The following FAT3 variants were observed in gnomAD, a reference collection of about 807,000 sequenced individuals.
FAT3 encodes FAT atypical cadherin 3.
A neutral mutation model predicts 310.2 loss-of-function variants in FAT3; 95 were observed. That is an observed-to-expected ratio of 0.31 (90% CI 0.26 to 0.36). FAT3 has a LOEUF of 0.36. FAT3 is among the 10% of genes least tolerant of loss of function. FAT3 has a pLI of 1.00. For synonymous variants in FAT3, 2,314 were observed against 2,192.9 expected (o/e 1.06, Z -1.54); for missense variants, 5,408 against 5,715.6 (o/e 0.95, Z 1.74).
intron 4 of FAT3, among the ~76,000 whole-genome samples, chr11:92,734,937 A>G (rs1280136473): frequency 2.0e-5 from 3 of 152,174 alleles, no homozygotes; most frequent in African/African-American, 7.2e-5. Context: ...AGGTCTAGAT[A>G]AGAATGAATG....
intron 3 of FAT3, among the ~76,000 whole-genome samples, chr11:92,545,530 T>G (rs1447855565): frequency 6.6e-6 from 1 of 152,182 alleles, no homozygotes; most frequent in Non-Finnish European, 1.5e-5. Context: ...TGCTAGAATT[T>G]TCTCTCTCAA....
chr11:92,250,407 T>G (rs1225485844), intron 1 of FAT3, among the ~76,000 whole-genome samples: 1 of 152,148 alleles, frequency 6.6e-6, no homozygotes, highest in Middle Eastern at 3.2e-3. Flanking sequence ...AGAGTTTCTA[T>G]TTTTTATGGA....
chr11:92,358,006 A>G (rs896238864), intron 2 of FAT3, among the ~76,000 whole-genome samples: 18 of 151,302 alleles, frequency 1.2e-4, no homozygotes, highest in African/African-American at 3.9e-4. Context: ...CCTAAAAAAA[A>G]AAAAAAAATA....
rs750299128 is a variant in FAT3, at chr11:92,801,016, A to T, written c.8003A>T (p.Gln2668Leu). 10 of 1,613,696 alleles carry T rather than the reference A, an allele frequency of 6.2e-6. No individual in the cohort carries two copies. Among genetic ancestry groups the T allele is most frequent in the Non-Finnish European group, 5.9e-6 (7 of 1,179,780 alleles). ...ATGGTCACAAAGGGTAATTTTAACC[A>T]GCTGAAAAATACAGTGCTTTCGTTC... ...GWMVTKGNFN[Q>L]LKNTVLSFFV... The change falls in exon 10 of 28, where the codon CAG becomes CTG. Residue 2668 changes from glutamine (Q) to leucine (L), a missense_variant. Gln to Leu is a moderately radical substitution (Grantham distance 113). Around this residue, in one of 5 missense-constraint regions of FAT3, gnomAD observed 4,588 missense variants for 4,809.8 expected, o/e 0.95. Transcript: ENST00000525166.
At chr11:92,623,713 G>A (rs1941195903) in intron 3 of FAT3, among the ~76,000 whole-genome samples, 1 of 152,270 alleles carries the variant, frequency 6.6e-6, no homozygotes, top group African/African-American at 2.4e-5. Context: ...GGAGGCCAAG[G>A]CGGGTGGATC....
intron 21 of FAT3, among the ~76,000 whole-genome samples, 158 bp from the exon 22 acceptor site, chr11:92,866,583 G>A (rs1313285633): frequency 2.0e-5 from 3 of 152,170 alleles, no homozygotes; most frequent in African/African-American, 7.2e-5. Flanking sequence ...GAGGCACAGT[G>A]GTTAAAAATC....
At chr11:92,583,003 T>G (rs1030380222) in intron 3 of FAT3, among the ~76,000 whole-genome samples, 1 of 151,914 alleles carries the variant, frequency 6.6e-6, no homozygotes, top group Non-Finnish European at 1.5e-5. Context: ...TTGTTTTGCT[T>G]AATATACTCC....
chr11:92,438,523 C>A (rs888574517), intron 2 of FAT3, among the ~76,000 whole-genome samples: 4 of 152,106 alleles, frequency 2.6e-5, no homozygotes, highest in Non-Finnish European at 4.4e-5. Flanking sequence ...CATTATTGTG[C>A]GACTATCACC....
intron 2 of FAT3, among the ~76,000 whole-genome samples, chr11:92,423,049 C>T (rs1307788727): frequency 6.6e-6 from 1 of 152,160 alleles, no homozygotes; most frequent in Non-Finnish European, 1.5e-5. Context: ...GATGTGTTTA[C>T]ACTAAAAGCA....
chr11:92,384,882 T>G (rs1380494652), intron 2 of FAT3, among the ~76,000 whole-genome samples: 4 of 152,190 alleles, frequency 2.6e-5, no homozygotes, highest in Non-Finnish European at 5.9e-5. Flanking sequence ...TAGTTATTCA[T>G]AAAGCTTGCT....
chr11:92,350,458 A>T (rs1948535094), intron 1 of FAT3, among the ~76,000 whole-genome samples: 1 of 152,076 alleles, frequency 6.6e-6, no homozygotes, highest in African/African-American at 2.4e-5. Context: ...TGTACTTTTT[A>T]AAATCAATGA....
At chr11:92,634,422 G>A (rs1941680903) in intron 3 of FAT3, among the ~76,000 whole-genome samples, 1 of 152,166 alleles carries the variant, frequency 6.6e-6, no homozygotes, top group Non-Finnish European at 1.5e-5. Context: ...CAGCCAGACA[G>A]GATTTTGTTC....
At chr11:92,727,067 C>T (rs1048792000) in intron 4 of FAT3, among the ~76,000 whole-genome samples, 3 of 152,120 alleles carry the variant, frequency 2.0e-5, no homozygotes, top group East Asian at 1.9e-4. Flanking sequence ...TTTAAAACCA[C>T]TCAATCTACT....
rs1042771710 is a variant in FAT3 at position 92,225,066 on chromosome 11, G to A, written c.-126G>A. ...GCTAGCGCGCGGTGGGCGCTGCGGC[G>A]GCAGCAGCCGGGGGACCGGCTCGCC... On this transcript the variant is annotated 5_prime_UTR_variant, in exon 1 of 28. Transcript: ENST00000525166. Among the ~76,000 whole-genome samples, 1 of 152,172 alleles carries A rather than the reference G, an allele frequency of 6.6e-6. No individual in the cohort carries two copies. The highest frequency in any genetic ancestry group is 1.5e-5 in the Non-Finnish European group (1 of 68,028).
rs778500036 is a variant in FAT3 at position 92,789,962 on chromosome 11, A to G, written c.4355A>G (p.Asp1452Gly). Residue 1452 changes from aspartate to glycine, a missense_variant, in exon 8 of 28, where the codon GAT (aspartate) becomes GGT (glycine). This residue lies in a region of FAT3 where 4,588 missense variants were observed against 4,809.8 expected (regional missense o/e 0.95). Transcript: ENST00000525166. The stretch of plus-strand genomic sequence containing the variant: ...CTACAGGTATTTATCAAAGTGCTGG[A>G]TAATAATGATAATGGCCCAGAATTC... ...AVTQVFIKVLDNNDNGPEFSQ... is the reference protein window; with the variant it reads ...AVTQVFIKVLGNNDNGPEFSQ... 2 of 1,613,716 alleles carry G rather than the reference A, an allele frequency of 1.2e-6. No individual in the cohort carries two copies. Among genetic ancestry groups the G allele is most frequent in the Admixed American group, 3.3e-5 (2 of 59,992 alleles).
chr11:92,658,910 C>CA (rs796175795), intron 3 of FAT3, among the ~76,000 whole-genome samples: 29 of 141,464 alleles, frequency 2.0e-4, no homozygotes, highest in African/African-American at 7.4e-4. Flanking sequence ...CGCCTATTGT[C>CA]ATCATCGTCA....
chr11:92,733,837 G>T (rs1033986109), intron 4 of FAT3, among the ~76,000 whole-genome samples: 1 of 152,176 alleles, frequency 6.6e-6, no homozygotes, highest in Non-Finnish European at 1.5e-5. Flanking sequence ...CAATAGAGAT[G>T]ATTGTTTAGG....
chr11:92,620,149 A>G (rs1941016047), intron 3 of FAT3, among the ~76,000 whole-genome samples: 1 of 152,138 alleles, frequency 6.6e-6, no homozygotes, highest in Non-Finnish European at 1.5e-5. Flanking sequence ...TTTCACATAT[A>G]TGAGATTTTT....
At chr11:92,330,453 T>C (rs1056258963) in intron 1 of FAT3, among the ~76,000 whole-genome samples, 9 of 152,202 alleles carry the variant, frequency 5.9e-5, no homozygotes, top group Non-Finnish European at 2.9e-5. Flanking sequence ...AGCGGTACAA[T>C]GAAAGATAGT....
Sources: gnomAD v4.1 joint callset for allele counts (sites outside exome capture counted in the v4.1 genomes callset) on GRCh38, gnomAD v4.1.1 for gene constraint, gnomAD v4.1.1 regional missense constraint, MANE v1.5 for transcripts, NCBI Gene and HGNC (gene_info 2026-07-23, HGNC 2026-07-21) for gene names.